Variants in FCHSD2 observed in about 807,000 individuals in gnomAD.
FCHSD2 encodes the protein FCH and double SH3 domains 2.
In FCHSD2, 38 loss-of-function variants were observed where a neutral mutation model predicts 108.1. That is an observed-to-expected ratio of 0.35 (90% CI 0.27 to 0.46). FCHSD2 has a LOEUF of 0.46. Among genes scored for constraint, FCHSD2 ranks in the 20% least tolerant of loss-of-function variants. The pLI is 1.00. For missense variants in FCHSD2, 751 were observed against 897.8 expected, an observed-to-expected ratio of 0.84 and a Z score of 2.09; for synonymous variants, 279 against 314.7, an observed-to-expected ratio of 0.89 and a Z score of 1.20.
intron 4 of FCHSD2, among the ~76,000 whole-genome samples, chr11:73,012,109 C>T (rs1379155381): frequency 6.6e-6 from 1 of 152,090 alleles, no homozygotes; most frequent in Non-Finnish European, 1.5e-5. Flanking sequence ...ATTTGAAATA[C>T]TAATAAACTA....
chr11:73,129,930 A>C (rs1860954683), intron 2 of FCHSD2, among the ~76,000 whole-genome samples: 1 of 141,660 alleles, frequency 7.1e-6, no homozygotes, highest in Non-Finnish European at 1.5e-5. Context: ...GCTGGAGTGC[A>C]GTGGTGTGAT....
chr11:72,919,851 A>G (rs1855945613), intron 9 of FCHSD2, among the ~76,000 whole-genome samples: 1 of 152,080 alleles, frequency 6.6e-6, no homozygotes. Flanking sequence ...TTATAATAAA[A>G]TTAGAAATAA....
Position 73,141,951 on chromosome 11 carries a change from G to A in FCHSD2, c.-74C>T, listed in dbSNP as rs1861259531. On this transcript the variant is annotated 5_prime_UTR_variant, in exon 1 of 20. Coordinates refer to ENST00000409418, the MANE Select transcript of FCHSD2 (RefSeq NM_014824.3). ...CAGGAGGAGGAGGAGGGCCGGAGAG[G>A]AGGGGACGGCCCAGCGAGCGCGCGC... 9 of 1,442,490 alleles carry A rather than the reference G, an allele frequency of 6.2e-6. No individual in the cohort carries two copies. The highest frequency in any genetic ancestry group is 6.6e-6 in the Non-Finnish European group (7 of 1,067,030). The allele number at this position is 1,442,490 out of a possible 1,614,324, so 89.4% of individuals were successfully genotyped here.
At chr11:73,005,997 C>T (rs1857733295) in intron 4 of FCHSD2, among the ~76,000 whole-genome samples, 1 of 151,550 alleles carries the variant, frequency 6.6e-6, no homozygotes, top group African/African-American at 2.4e-5. Context: ...AGCCTCGAAC[C>T]CCTGGACTCA....
intron 3 of FCHSD2, among the ~76,000 whole-genome samples, chr11:73,072,773 G>A (rs1343470380): frequency 2.0e-5 from 3 of 152,112 alleles, no homozygotes; most frequent in Non-Finnish European, 2.9e-5. Flanking sequence ...GCTAAATTAA[G>A]CTACATTTTT....
chr11:72,841,357 A>G, intron 18 of FCHSD2, 97 bp downstream of exon 18: 1 of 1,162,242 alleles, frequency 8.6e-7, no homozygotes. Flanking sequence ...AAAAAAAAAA[A>G]AAAAAAAGCA....
intron 10 of FCHSD2, among the ~76,000 whole-genome samples, chr11:72,896,983 C>T (rs529322977): frequency 5.7e-4 from 87 of 151,876 alleles, no homozygotes; most frequent in Non-Finnish European, 8.8e-4. Flanking sequence ...CCCGCCACCA[C>T]GCCCGGCTAA....
At chr11:73,087,724 T>C (rs1015563430) in intron 2 of FCHSD2, among the ~76,000 whole-genome samples, 1 of 151,968 alleles carries the variant, frequency 6.6e-6, no homozygotes, top group African/African-American at 2.4e-5. Flanking sequence ...AAAAAAATTT[T>C]TAAAATAAAT....
At chr11:73,052,405 A>AT (rs907710454) in intron 3 of FCHSD2, among the ~76,000 whole-genome samples, 4 of 150,790 alleles carry the variant, frequency 2.7e-5, no homozygotes, top group Admixed American at 6.6e-5. Context: ...TCTTGGTATA[A>AT]TTTTTTTTTT....
chr11:72,868,308 C>T (rs571676003), intron 12 of FCHSD2, among the ~76,000 whole-genome samples: 33 of 152,142 alleles, frequency 2.2e-4, no homozygotes, highest in African/African-American at 5.5e-4. Flanking sequence ...TGAGAACATA[C>T]GGACACATGA....
At chr11:73,044,099 G>A (rs896667203) in intron 3 of FCHSD2, among the ~76,000 whole-genome samples, 3 of 151,990 alleles carry the variant, frequency 2.0e-5, no homozygotes, top group African/African-American at 7.2e-5. Context: ...TATTTACAAC[G>A]GATTCCAAAT....
chr11:72,930,730 G>A (rs902149422), intron 8 of FCHSD2, among the ~76,000 whole-genome samples: 12 of 152,144 alleles, frequency 7.9e-5, no homozygotes, highest in Non-Finnish European at 1.6e-4. Context: ...GTGACAGGGC[G>A]AGACTCTGTC....
At chr11:73,077,603 A>C (rs933923975) in intron 3 of FCHSD2, 21 of 431,138 alleles carry the variant, frequency 4.9e-5, no homozygotes, top group Non-Finnish European at 8.6e-5. Flanking sequence ...TACTCAAAAA[A>C]CAGAAATAAC....
chr11:73,032,058 T>C (rs576923864), intron 3 of FCHSD2, among the ~76,000 whole-genome samples: 55 of 152,298 alleles, frequency 3.6e-4, no homozygotes, highest in African/African-American at 1.3e-3. Flanking sequence ...ATGTGCTATA[T>C]AGTCTCAAAT....
intron 3 of FCHSD2, among the ~76,000 whole-genome samples, chr11:73,061,996 C>CA (rs1859177525): frequency 6.6e-6 from 1 of 152,130 alleles, no homozygotes; most frequent in Admixed American, 6.5e-5. Context: ...GGTCCCTGAC[C>CA]CCTGTTCCTC....
At chr11:72,854,051 A>T (rs184717545) in intron 13 of FCHSD2, among the ~76,000 whole-genome samples, 7 of 152,234 alleles carry the variant, frequency 4.6e-5, no homozygotes, top group African/African-American at 1.7e-4. Context: ...ATGCTGTTAT[A>T]TATATTTTTA....
At chr11:72,891,618 A>G (rs1436635753) in intron 10 of FCHSD2, among the ~76,000 whole-genome samples, 1 of 152,270 alleles carries the variant, frequency 6.6e-6, no homozygotes, top group East Asian at 1.9e-4. Context: ...TGAAATATAC[A>G]AAAGTCAGAG....
chr11:72,965,881 T>C (rs1209612797), intron 8 of FCHSD2, among the ~76,000 whole-genome samples: 4 of 152,292 alleles, frequency 2.6e-5, no homozygotes, highest in African/African-American at 9.6e-5. Context: ...AATACAGTCA[T>C]AAAACAGAAC....
intron 2 of FCHSD2, among the ~76,000 whole-genome samples, chr11:73,124,855 A>C (rs1259678609): frequency 2.0e-5 from 3 of 152,222 alleles, no homozygotes; most frequent in African/African-American, 7.2e-5. Flanking sequence ...TACAGACACT[A>C]TACTAGTCAC....
Sources: gnomAD v4.1 joint callset for allele counts (sites outside exome capture counted in the v4.1 genomes callset) on GRCh38, gnomAD v4.1.1 for gene constraint, MANE v1.5 for transcripts, NCBI Gene and HGNC (gene_info 2026-07-23, HGNC 2026-07-21) for gene names.